The following NRG3 variants were observed in gnomAD, a reference collection of about 807,000 sequenced individuals.
NRG3 encodes the protein neuregulin 3, also known as pro-neuregulin-3, membrane-bound isoform.
Under a neutral mutation model 66.9 loss-of-function variants are expected in NRG3, and 31 were observed. That is an observed-to-expected ratio of 0.46 (90% CI 0.35 to 0.63). The LOEUF (loss-of-function observed/expected upper bound fraction) is 0.63. Among genes scored for constraint, NRG3 ranks in the 20% least tolerant of loss-of-function variants. NRG3 has a pLI of 0.00. For missense variants in NRG3, 910 were observed against 878.9 expected, an observed-to-expected ratio of 1.04 and a Z score of -0.45; for synonymous variants, 393 against 359.4, an observed-to-expected ratio of 1.09 and a Z score of -1.06.
chr10:82,736,199 T>G (rs2058145734), intron 2 of NRG3, among the ~76,000 whole-genome samples: 1 of 152,174 alleles, frequency 6.6e-6, no homozygotes, highest in Non-Finnish European at 1.5e-5. Context: ...TCAAAAGATA[T>G]GCTTGACACA....
At chr10:82,804,843 A>G (rs1271818425) in intron 3 of NRG3, among the ~76,000 whole-genome samples, 2 of 152,178 alleles carry the variant, frequency 1.3e-5, no homozygotes, top group African/African-American at 2.4e-5. Flanking sequence ...GGGAAGGTAC[A>G]CATTCTCAAA....
At chr10:82,953,993 G>A (rs1341902747) in intron 5 of NRG3, among the ~76,000 whole-genome samples, 1 of 151,632 alleles carries the variant, frequency 6.6e-6, no homozygotes, top group South Asian at 2.1e-4. Context: ...AGTGTAAAGG[G>A]CATAGCAAAG....
intron 1 of NRG3, among the ~76,000 whole-genome samples, chr10:82,149,325 T>A (rs2070512543): frequency 6.6e-6 from 1 of 152,144 alleles, no homozygotes; most frequent in Non-Finnish European, 1.5e-5. Context: ...CAGTAACTGA[T>A]TATATTGACA....
chr10:82,079,555 T>C (rs1215241849), intron 1 of NRG3, among the ~76,000 whole-genome samples: 1 of 152,208 alleles, frequency 6.6e-6, no homozygotes, highest in Non-Finnish European at 1.5e-5. Context: ...TTAACAAATA[T>C]GTAACGACAT....
At chr10:82,624,570 T>C (rs1263451539) in intron 2 of NRG3, among the ~76,000 whole-genome samples, 3 of 152,020 alleles carry the variant, frequency 2.0e-5, no homozygotes, top group South Asian at 4.1e-4. Context: ...AATTACAGCA[T>C]AAAATATTTA....
chr10:82,332,207 G>C (rs888632505), intron 1 of NRG3, among the ~76,000 whole-genome samples: 3 of 152,148 alleles, frequency 2.0e-5, no homozygotes, highest in Non-Finnish European at 2.9e-5. Flanking sequence ...ATTTCAGTTG[G>C]ATACAAAATT....
At position 82,626,720 on chromosome 10, in the gene NRG3, TC is replaced by T. The variant is rs1336541690; in HGVS notation, c.954-111855del. Among the ~76,000 whole-genome samples the T allele has an allele frequency of 2.0e-5, 3 of 152,228 alleles. No individual in the cohort carries two copies. In the East Asian group the frequency reaches 5.8e-4, roughly 29 times the overall value. On this transcript the variant is annotated intron_variant, in intron 2 of 8. Transcript: ENST00000372141. Reference sequence around the variant, plus strand: ...ACATACACACAGAATAACTTTTAGGTCCATTTATTCCCAAAATATTGAATTT... The same window carrying T: ...ACATACACACAGAATAACTTTTAGGTCATTTATTCCCAAAATATTGAATTT...
chr10:82,678,599 C>T (rs1019580244), intron 2 of NRG3, among the ~76,000 whole-genome samples: 1 of 152,298 alleles, frequency 6.6e-6, no homozygotes, highest in Admixed American at 6.5e-5. Flanking sequence ...CTGGCACTGG[C>T]TTAAACCAAT....
chr10:82,166,973 C>T (rs373466159), intron 1 of NRG3: 11 of 443,138 alleles, frequency 2.5e-5, no homozygotes, highest in African/African-American at 1.6e-4. Flanking sequence ...TGCCATCTTT[C>T]TTATCTTTGT....
intron 1 of NRG3, among the ~76,000 whole-genome samples, chr10:81,938,328 A>C (rs1032252878): frequency 6.6e-6 from 1 of 151,802 alleles, no homozygotes; most frequent in Non-Finnish European, 1.5e-5. Context: ...TAGACATTTT[A>C]ACAATATTAA....
At chr10:82,773,715 C>A (rs948626817) in intron 3 of NRG3, among the ~76,000 whole-genome samples, 2 of 151,886 alleles carry the variant, frequency 1.3e-5, no homozygotes, top group Admixed American at 6.6e-5. Context: ...TATCTTATAT[C>A]TCTTGCTAGC....
intron 1 of NRG3, among the ~76,000 whole-genome samples, chr10:82,140,815 A>G (rs1031941602): frequency 1.3e-5 from 2 of 152,178 alleles, no homozygotes; most frequent in African/African-American, 2.4e-5. Flanking sequence ...TCACACTTCC[A>G]TCAAATGGGC....
chr10:81,876,278 T>A (rs1841635890), intron 1 of NRG3, 115 bp downstream of exon 1: 3 of 1,401,174 alleles, frequency 2.1e-6, no homozygotes, highest in Non-Finnish European at 2.9e-6. Context: ...CATCCCAGGT[T>A]TGGGGCAGAG....
At chr10:82,854,158 T>C (rs1591732538) in intron 3 of NRG3, among the ~76,000 whole-genome samples, 1 of 152,312 alleles carries the variant, frequency 6.6e-6, no homozygotes, top group East Asian at 1.9e-4. Context: ...TTGCTACTAG[T>C]TATAATCCAA....
At chr10:81,934,982 G>C (rs1270524451) in intron 1 of NRG3, among the ~76,000 whole-genome samples, 1 of 152,182 alleles carries the variant, frequency 6.6e-6, no homozygotes, top group Non-Finnish European at 1.5e-5. Flanking sequence ...CAAAACACAT[G>C]TTGCAATGAA....
chr10:82,367,951 C>G (rs763755049), intron 2 of NRG3, among the ~76,000 whole-genome samples: 1 of 151,840 alleles, frequency 6.6e-6, no homozygotes, highest in Non-Finnish European at 1.5e-5. Flanking sequence ...TGCAATAAGC[C>G]GAGATCATAC....
At chr10:81,911,603 GTTTTTTTTTTTTT>G (rs796518872) in intron 1 of NRG3, among the ~76,000 whole-genome samples, 2 of 77,944 alleles carry the variant, frequency 2.6e-5, no homozygotes, top group South Asian at 5.5e-4. Context: ...GCACAGACTT[GTTTTTTTTTTTTT>G]TTTTTTTTTT....
intron 3 of NRG3, among the ~76,000 whole-genome samples, chr10:82,790,125 A>T (rs1219458774): frequency 1.3e-5 from 2 of 152,072 alleles, no homozygotes; most frequent in Non-Finnish European, 2.9e-5. Flanking sequence ...AATGGGAAAG[A>T]AAGGGGCTTA....
At chr10:82,727,273 G>A (rs2057651836) in intron 2 of NRG3, among the ~76,000 whole-genome samples, 1 of 152,166 alleles carries the variant, frequency 6.6e-6, no homozygotes, top group Admixed American at 6.5e-5. Flanking sequence ...TGTCTCCAAG[G>A]TATGTCGGAG....
Sources: allele counts gnomAD v4.1 joint callset (sites outside exome capture counted in the v4.1 genomes callset), GRCh38; gene constraint gnomAD v4.1.1; transcripts MANE v1.5; gene names NCBI Gene and HGNC (gene_info 2026-07-23, HGNC 2026-07-21).